Variants in HMCN1 observed in about 807,000 individuals in gnomAD.
HMCN1 encodes the protein hemicentin-1.
HMCN1 carries 321 observed loss-of-function variants against 625.9 expected under a neutral mutation model. That is an observed-to-expected ratio of 0.51 (90% CI 0.47 to 0.56). The LOEUF is 0.56. Ranked by LOEUF, HMCN1 falls within the 20% of genes least tolerant of loss-of-function variation. The pLI is 0.00. For synonymous variants in HMCN1, 2,425 were observed against 2,417.6 expected, an observed-to-expected ratio of 1.00 and a Z score of -0.09; for missense variants, 6,588 against 6,887.3, an observed-to-expected ratio of 0.96 and a Z score of 1.54.
At position 186,119,311 on chromosome 1, in the gene HMCN1, A is replaced by C; in HGVS notation, c.11956+13A>C. ...CTTCATGTTCATGGTATGGAAGGCT[A>C]TTTACTCATTCAAAGTTCGCTGGGT... On this transcript the variant is annotated intron_variant, in intron 78 of 106. Coordinates refer to ENST00000271588, the MANE Select transcript of HMCN1 (RefSeq NM_031935.3). 1 of 1,597,316 alleles carries C rather than the reference A, an allele frequency of 6.3e-7. No individual in the cohort carries two copies. Among genetic ancestry groups the C allele is most frequent in the Non-Finnish European group, 8.6e-7 (1 of 1,164,750 alleles).
chr1:185,833,580 G>A (rs988913680), intron 1 of HMCN1, among the ~76,000 whole-genome samples: 1 of 151,962 alleles, frequency 6.6e-6, no homozygotes, highest in Admixed American at 6.6e-5. Flanking sequence ...AATTTCAATT[G>A]CTTTGAATTT....
chr1:185,801,075 T>C (rs1052573345), intron 1 of HMCN1, among the ~76,000 whole-genome samples: 3 of 152,274 alleles, frequency 2.0e-5, no homozygotes, highest in Admixed American at 6.5e-5. Context: ...CAACACCTGA[T>C]ATAACGACTG....
chr1:186,046,345 G>A (rs543123235), intron 41 of HMCN1, among the ~76,000 whole-genome samples: 3 of 152,056 alleles, frequency 2.0e-5, no homozygotes, highest in Admixed American at 1.3e-4. Context: ...GACATGCACC[G>A]GTAATCCCAG....
intron 6 of HMCN1, among the ~76,000 whole-genome samples, chr1:185,921,260 T>A (rs1666993148): frequency 6.6e-6 from 1 of 152,202 alleles, no homozygotes; most frequent in African/African-American, 2.4e-5. Context: ...GGTTTTTTTC[T>A]TCTTTCTCCC....
intron 23 of HMCN1, among the ~76,000 whole-genome samples, chr1:185,994,422 T>C (rs1425094865): frequency 1.3e-5 from 2 of 152,184 alleles, no homozygotes; most frequent in Non-Finnish European, 2.9e-5. Flanking sequence ...AGAGAAATGC[T>C]TTTTGTCCCT....
chr1:186,118,647 A>T (rs143020632), intron 77 of HMCN1, among the ~76,000 whole-genome samples: 2 of 152,374 alleles, frequency 1.3e-5, no homozygotes. Context: ...TGGTATATCC[A>T]TGCAATGGAA....
intron 80 of HMCN1, among the ~76,000 whole-genome samples, chr1:186,120,785 A>G (rs1433140342): frequency 1.3e-5 from 2 of 152,220 alleles, no homozygotes; most frequent in African/African-American, 4.8e-5. Flanking sequence ...TGTATTTTTC[A>G]ACATTTATTC....
At position 186,088,147 on chromosome 1, in the gene HMCN1, C is replaced by T; in HGVS notation, c.9448C>T (p.Pro3150Ser). Residue 3150 changes from proline (P) to serine (S), a missense_variant and splice_region_variant, in exon 62 of 107, where the codon CCA (proline) becomes TCA (serine). By Grantham distance (74) the Pro-to-Ser change is moderately conservative. Transcript: ENST00000271588. The part of the protein sequence containing the change: ...DKNFHLNVYV[P>S]PSIEGPEREV... Reference sequence around the variant, plus strand: ...GTTTGTTTGTTTGTTTTTTACAGTGCCACCCAGTATTGAAGGACCTGAAAG... The same window carrying T: ...GTTTGTTTGTTTGTTTTTTACAGTGTCACCCAGTATTGAAGGACCTGAAAG... 8 of 1,606,184 alleles carry T rather than the reference C, an allele frequency of 5.0e-6. No homozygotes were observed. Among genetic ancestry groups the T allele is most frequent in the South Asian group, 1.1e-5 (1 of 90,410 alleles).
In HMCN1 at chr1:185,987,513, G is replaced by T; in HGVS notation, c.3017G>T (p.Gly1006Val). ...IPVTLPCKAS[G>V]NPKPSVIWSK... is the part of the protein sequence containing the mutation. ...GTAACTTTACCATGCAAAGCAAGTG[G>T]AAATCCCAAACCGTCTGTCATCTGG... Residue 1006 changes from glycine to valine, a missense_variant, in exon 20 of 107, where the codon GGA becomes GTA. Around this residue, in one of 3 missense-constraint regions of HMCN1, gnomAD observed 4,628 missense variants for 4,853.1 expected, o/e 0.95. Coordinates refer to ENST00000271588, the MANE Select transcript of HMCN1 (RefSeq NM_031935.3). The T allele has an allele frequency of 6.2e-7, 1 of 1,613,068 alleles. No individual in the cohort carries two copies. The highest frequency in any genetic ancestry group is 8.5e-7 in the Non-Finnish European group (1 of 1,179,046).
chr1:185,865,499 C>T (rs1300000948), intron 3 of HMCN1, among the ~76,000 whole-genome samples: 1 of 151,276 alleles, frequency 6.6e-6, no homozygotes, highest in African/African-American at 2.4e-5. Flanking sequence ...CAGCTTTTAG[C>T]CTACACTTCT....
At position 185,852,577 on chromosome 1, in the gene HMCN1, TACACACACACACACACACAC is replaced by T. The variant is rs67719442; in HGVS notation, c.339+6510_339+6529del. Among the ~76,000 whole-genome samples the T allele has an allele frequency of 8.7e-4, 118 of 135,608 alleles. 1 individual carries two copies. Among genetic ancestry groups the T allele is most frequent in the South Asian group, 5.2e-4 (2 of 3,822 alleles). The allele number at this position is 135,608 out of a possible 152,430, so 89.0% of individuals were successfully genotyped here. ...AATATGCATTTGCTTACAAATATCC[TACACACACACACACACACAC>T]ACACACACACACACACACACACACA... is the stretch of plus-strand genomic sequence containing the variant. On this transcript the variant is annotated intron_variant, in intron 2 of 106. Coordinates refer to ENST00000271588, the MANE Select transcript of HMCN1 (RefSeq NM_031935.3).
Position 186,103,483 on chromosome 1 carries a change from A to G in HMCN1, c.10585A>G (p.Ile3529Val), listed in dbSNP as rs755010703. The change falls in exon 69 of 107, where the codon ATT (isoleucine) becomes GTT (valine). Residue 3529 changes from isoleucine (I) to valine (V), a missense_variant. Ile to Val is a conservative substitution (Grantham distance 29). Transcript: ENST00000271588. ...FILKVLEPPH[I>V]NGSEEHEEIS... ...TTCCCTTTAAATAGAACCACCTCAC[A>G]TTAATGGATCTGAAGAACATGAAGA... is the stretch of plus-strand genomic sequence containing the variant. The G allele has an allele frequency of 6.2e-7, 1 of 1,612,684 alleles. No homozygotes were observed. The highest frequency in any genetic ancestry group is 1.7e-5 in the Admixed American group (1 of 59,994).
intron 81 of HMCN1, among the ~76,000 whole-genome samples, chr1:186,123,422 G>A (rs1661494050): frequency 6.6e-6 from 1 of 152,148 alleles, no homozygotes; most frequent in African/African-American, 2.4e-5. Context: ...AGGTGTGTGA[G>A]AGAGAAAGAC....
At chr1:185,802,048 A>G (rs1181089989) in intron 1 of HMCN1, among the ~76,000 whole-genome samples, 1 of 152,144 alleles carries the variant, frequency 6.6e-6, no homozygotes, top group Non-Finnish European at 1.5e-5. Flanking sequence ...TCTGAGAGAT[A>G]AAAAGGACTA....
chr1:185,756,720 C>T (rs543646900), intron 1 of HMCN1, among the ~76,000 whole-genome samples: 25 of 152,230 alleles, frequency 1.6e-4, no homozygotes, highest in Non-Finnish European at 3.7e-4. Context: ...TCTAAATGGT[C>T]AAGTCAAACT....
At chr1:186,179,393 C>T (rs1226541692) in intron 104 of HMCN1, among the ~76,000 whole-genome samples, 2 of 152,096 alleles carry the variant, frequency 1.3e-5, no homozygotes, top group Non-Finnish European at 2.9e-5. Flanking sequence ...CATTTGTTTG[C>T]AAAAGTGAAG....
intron 2 of HMCN1, among the ~76,000 whole-genome samples, chr1:185,854,952 T>C (rs1662374208): frequency 6.6e-6 from 1 of 152,164 alleles, no homozygotes. Context: ...CTAGACGGCA[T>C]GCAGAATCCA....
chr1:185,914,568 TG>T (rs1289143940), intron 6 of HMCN1, among the ~76,000 whole-genome samples: 1 of 152,072 alleles, frequency 6.6e-6, no homozygotes, highest in Non-Finnish European at 1.5e-5. Context: ...AATATAATTT[TG>T]TACTGTCTCT....
intron 104 of HMCN1, 109 bp downstream of exon 104, chr1:186,178,875 G>T: frequency 1.2e-6 from 1 of 821,110 alleles, no homozygotes. Context: ...CTGATCTCAA[G>T]TTCGGAATGA....
Sources: allele counts gnomAD v4.1 joint callset (sites outside exome capture counted in the v4.1 genomes callset), GRCh38; gene constraint gnomAD v4.1.1; regional missense constraint gnomAD v4.1.1; transcripts MANE v1.5; gene names NCBI Gene and HGNC (gene_info 2026-07-23, HGNC 2026-07-21).